The following PDE8A variants were observed in gnomAD, a reference collection of about 807,000 sequenced individuals.
The protein encoded by PDE8A is high affinity cAMP-specific and IBMX-insensitive 3',5'-cyclic phosphodiesterase 8A.
PDE8A carries 59 observed loss-of-function variants against 105.0 expected under a neutral mutation model. The ratio of observed to expected loss-of-function variants is 0.56; its 90% CI spans 0.46 to 0.70. The LOEUF is 0.70. Among genes scored for constraint, PDE8A ranks in the 30% least tolerant of loss-of-function variants. PDE8A has a pLI of 0.00. For synonymous variants in PDE8A, 355 were observed against 371.9 expected, an observed-to-expected ratio of 0.95 and a Z score of 0.52; for missense variants, 1,014 against 1,045.9, an observed-to-expected ratio of 0.97 and a Z score of 0.42.
chr15:85,108,912 C>A, intron 11 of PDE8A, 141 bp from the exon 12 acceptor site: 1 of 552,112 alleles, frequency 1.8e-6, no homozygotes. Flanking sequence ...TTCTCATAGT[C>A]TTCATCTCTG....
At chr15:85,101,507 G>A (rs1024180706) in intron 11 of PDE8A, among the ~76,000 whole-genome samples, 4 of 152,152 alleles carry the variant, frequency 2.6e-5, no homozygotes, top group African/African-American at 9.7e-5. Context: ...AGAGGTATTT[G>A]GGTCAATAAG....
At chr15:85,029,267 T>A (rs2080572032) in intron 1 of PDE8A, among the ~76,000 whole-genome samples, 1 of 152,200 alleles carries the variant, frequency 6.6e-6, no homozygotes, top group Admixed American at 6.5e-5. Context: ...ATTTTTTTAA[T>A]GACCCAACTT....
rs963523791 is a variant in PDE8A at position 84,981,924 on chromosome 15, A to AG, written c.-235dup. ...CCTGCCTCAGGAAGGGCATGTTCGG[A>AG]GGGGCGGCCTCGGCACGCCACCCGC... On this transcript the variant is annotated 5_prime_UTR_variant, in exon 1 of 22. The change creates a premature stop within an existing upstream ORF in the 5' untranslated region. Coordinates refer to ENST00000394553, the MANE Select transcript of PDE8A (RefSeq NM_002605.3). 1.2e-5 allele frequency: 3 copies of AG among 255,672 alleles called. No individual in the cohort carries two copies. The highest frequency in any genetic ancestry group is 2.2e-5 in the Non-Finnish European group (3 of 136,614). The allele number at this position is 255,672 out of a possible 1,614,324, so 15.8% of individuals were successfully genotyped here.
intron 6 of PDE8A, among the ~76,000 whole-genome samples, chr15:85,086,056 TG>T (rs2081547910): frequency 6.6e-6 from 1 of 151,316 alleles, no homozygotes; most frequent in African/African-American, 2.4e-5. Context: ...TATGATTACA[TG>T]GCATTTTAAA....
chr15:85,105,759 T>TG (rs1430950099), intron 11 of PDE8A, among the ~76,000 whole-genome samples: 26 of 152,216 alleles, frequency 1.7e-4, no homozygotes, highest in Admixed American at 6.5e-4. Flanking sequence ...TTCTCTCCAC[T>TG]GGCAGGCCGG....
intron 1 of PDE8A, among the ~76,000 whole-genome samples, chr15:84,992,140 A>G (rs1439552253): frequency 6.6e-6 from 1 of 152,212 alleles, no homozygotes; most frequent in Non-Finnish European, 1.5e-5. Flanking sequence ...CTGTAGGAGG[A>G]TAACAGGCCC....
chr15:84,986,416 C>T (rs926614424), intron 1 of PDE8A, among the ~76,000 whole-genome samples: 4 of 152,076 alleles, frequency 2.6e-5, no homozygotes, highest in Admixed American at 2.6e-4. Flanking sequence ...CCTCTTTTCT[C>T]TTACTTTGCA....
intron 8 of PDE8A, among the ~76,000 whole-genome samples, chr15:85,094,635 G>GT (rs2081710586): frequency 6.6e-6 from 1 of 152,176 alleles, no homozygotes; most frequent in Non-Finnish European, 1.5e-5. Context: ...CTACCTCACA[G>GT]TTGCTTTGAC....
Position 85,137,943 on chromosome 15 carries a change from G to A in PDE8A, c.*40G>A, listed in dbSNP as rs372411736. On this transcript the variant is annotated 3_prime_UTR_variant, in exon 22 of 22. Coordinates refer to ENST00000394553, the MANE Select transcript of PDE8A (RefSeq NM_002605.3). ...CAGAGCCCTGAAGCTTTGTTCCTTC[G>A]GTCATTTGGAATTCCTGAGGGCAGC... 3.0e-5 allele frequency: 39 copies of A among 1,307,400 alleles called. No homozygotes were observed. The highest frequency in any genetic ancestry group is 8.6e-5 in the Admixed American group (5 of 58,372). The allele number at this position is 1,307,400 out of a possible 1,614,324, so 81.0% of individuals were successfully genotyped here.
At position 85,115,498 on chromosome 15, in the gene PDE8A, C is replaced by T; in HGVS notation, c.1399+11C>T. 1 of 1,409,202 alleles carries T rather than the reference C, an allele frequency of 7.1e-7. No individual in the cohort carries two copies. The highest frequency in any genetic ancestry group is 1.5e-5 in the African/African-American group (1 of 67,702). The allele number at this position is 1,409,202 out of a possible 1,614,324, so 87.3% of individuals were successfully genotyped here. On this transcript the variant is annotated intron_variant, in intron 15 of 21. Transcript: ENST00000394553. ...TTCTTTCAACAAAAAGTAAGTTTTTCCTTTTTAATTTCTTAGATCACTGTC... is the reference window on the plus strand; with the variant it reads ...TTCTTTCAACAAAAAGTAAGTTTTTTCTTTTTAATTTCTTAGATCACTGTC...
intron 1 of PDE8A, among the ~76,000 whole-genome samples, chr15:85,025,583 AT>A (rs2141363401): frequency 6.6e-6 from 1 of 152,292 alleles, no homozygotes; most frequent in East Asian, 1.9e-4. Context: ...GCTTCTTATC[AT>A]CCCCCCTCTT....
intron 1 of PDE8A, among the ~76,000 whole-genome samples, chr15:84,998,173 A>G (rs966024079): frequency 6.6e-6 from 1 of 152,156 alleles, no homozygotes; most frequent in Admixed American, 6.5e-5. Context: ...TACTTTCTCA[A>G]TTTATGGAGG....
upstream of PDE8A, among the ~76,000 whole-genome samples, chr15:84,981,626 G>T (rs982669232): frequency 6.6e-6 from 1 of 152,064 alleles, no homozygotes; most frequent in African/African-American, 2.4e-5. Context: ...GCTTTTCCGC[G>T]AGGCGGCGGC....
At chr15:85,098,858 G>T (rs898438928) in intron 9 of PDE8A, among the ~76,000 whole-genome samples, 8 of 151,986 alleles carry the variant, frequency 5.3e-5, no homozygotes, top group Non-Finnish European at 1.2e-4. Context: ...TCAGGGGGCC[G>T]ATGTGGGAGA....
intron 20 of PDE8A, among the ~76,000 whole-genome samples, chr15:85,129,748 CT>C (rs1355995118): frequency 6.6e-6 from 1 of 151,930 alleles, no homozygotes; most frequent in Non-Finnish European, 1.5e-5. Flanking sequence ...TTAGTTTATT[CT>C]TTCTGTAGCT....
chr15:85,121,624 C>T (rs1261416201), intron 18 of PDE8A, among the ~76,000 whole-genome samples: 1 of 145,020 alleles, frequency 6.9e-6, no homozygotes, highest in African/African-American at 2.5e-5. Context: ...AGAGCGAGAC[C>T]CTGTCTCAAA....
intron 6 of PDE8A, among the ~76,000 whole-genome samples, chr15:85,087,438 G>A (rs1047734080): frequency 2.6e-5 from 4 of 152,146 alleles, no homozygotes; most frequent in African/African-American, 7.2e-5. Flanking sequence ...GGACTCAAGC[G>A]ATCTGCCTAC....
At chr15:85,006,613 T>G (rs1016340126) in intron 1 of PDE8A, among the ~76,000 whole-genome samples, 1 of 152,262 alleles carries the variant, frequency 6.6e-6, no homozygotes, top group African/African-American at 2.4e-5. Context: ...TTGGCTGTTT[T>G]CCTATTGGAG....
chr15:85,110,954 C>T (rs2082012639), intron 12 of PDE8A, among the ~76,000 whole-genome samples: 1 of 152,156 alleles, frequency 6.6e-6, no homozygotes, highest in African/African-American at 2.4e-5. Context: ...AAATGTTAGC[C>T]ACTCCAGTGG....
Sources: allele counts gnomAD v4.1 joint callset (sites outside exome capture counted in the v4.1 genomes callset), GRCh38; gene constraint gnomAD v4.1.1; transcripts MANE v1.5; gene names NCBI Gene and HGNC (gene_info 2026-07-23, HGNC 2026-07-21).